HCN1: variants seen among roughly 807,000 people sequenced by gnomAD.
HCN1 encodes hyperpolarization activated cyclic nucleotide gated potassium channel 1, also known as potassium/sodium hyperpolarization-activated cyclic nucleotide-gated channel 1.
HCN1 carries 13 observed loss-of-function variants against 78.9 expected under a neutral mutation model. That is an observed-to-expected ratio of 0.16 (90% CI 0.11 to 0.26). The LOEUF (loss-of-function observed/expected upper bound fraction) is 0.26. Among genes scored for constraint, HCN1 ranks in the 10% least tolerant of loss-of-function variants. The pLI is 1.00. For synonymous variants in HCN1, 552 were observed against 455.5 expected (o/e 1.21, Z -2.70); for missense variants, 810 against 1,154.3 (o/e 0.70, Z 4.32).
intron 3 of HCN1, among the ~76,000 whole-genome samples, chr5:45,424,137 A>AG (rs1329169739): frequency 3.3e-5 from 5 of 149,708 alleles, no homozygotes. Flanking sequence ...AAAAAAAAAA[A>AG]AAAAAATTAG....
intron 1 of HCN1, among the ~76,000 whole-genome samples, chr5:45,650,812 T>C (rs1490189340): frequency 6.6e-6 from 1 of 151,920 alleles, no homozygotes; most frequent in Non-Finnish European, 1.5e-5. Context: ...TGCAACCCTT[T>C]AAGGCTTGTG....
intron 2 of HCN1, among the ~76,000 whole-genome samples, chr5:45,555,430 G>T (rs1377505533): frequency 6.6e-6 from 1 of 151,722 alleles, no homozygotes; most frequent in Non-Finnish European, 1.5e-5. Context: ...TATGGTCATG[G>T]ATTGAAAGCA....
At chr5:45,287,099 CTGTG>C (rs968145857) in intron 6 of HCN1, among the ~76,000 whole-genome samples, 1 of 147,764 alleles carries the variant, frequency 6.8e-6, no homozygotes, top group African/African-American at 2.5e-5. Flanking sequence ...GTGTGTGTGT[CTGTG>C]TGTGTGTGTG....
At chr5:45,472,972 T>C (rs1321540254) in intron 2 of HCN1, among the ~76,000 whole-genome samples, 2 of 151,938 alleles carry the variant, frequency 1.3e-5, no homozygotes, top group Non-Finnish European at 2.9e-5. Flanking sequence ...TAGCTTTTAG[T>C]TGTCATTGTC....
At chr5:45,298,643 T>C (rs1165656195) in intron 6 of HCN1, among the ~76,000 whole-genome samples, 1 of 151,986 alleles carries the variant, frequency 6.6e-6, no homozygotes, top group African/African-American at 2.4e-5. Context: ...ACAAAAAGGA[T>C]TGTATAAATC....
At chr5:45,288,215 T>C (rs1745305747) in intron 6 of HCN1, among the ~76,000 whole-genome samples, 1 of 152,078 alleles carries the variant, frequency 6.6e-6, no homozygotes, top group Non-Finnish European at 1.5e-5. Context: ...GTGGCAGTTA[T>C]TTTTTAACCA....
At chr5:45,358,199 T>C (rs1747041225) in intron 4 of HCN1, among the ~76,000 whole-genome samples, 1 of 152,010 alleles carries the variant, frequency 6.6e-6, no homozygotes, top group African/African-American at 2.4e-5. Flanking sequence ...GAAGTGGCAA[T>C]GGAAATCATA....
chr5:45,648,875 C>T (rs971856856), intron 1 of HCN1, among the ~76,000 whole-genome samples: 1 of 151,968 alleles, frequency 6.6e-6, no homozygotes, highest in Admixed American at 6.6e-5. Flanking sequence ...TCAAGTCCCA[C>T]CACTCCCAAA....
chr5:45,696,129 AG>A lies in HCN1; in HGVS notation c.-37del, dbSNP rs1218624867. On this transcript the variant is annotated 5_prime_UTR_variant, in exon 1 of 8. Coordinates refer to ENST00000303230, the MANE Select transcript of HCN1 (RefSeq NM_021072.4). ...CGCGGCCGGCGACGGCGCGGGCTCCAGACTCGCCGGCCGCCCGGCGCCGGAG... is the reference window on the plus strand; with the variant it reads ...CGCGGCCGGCGACGGCGCGGGCTCCAACTCGCCGGCCGCCCGGCGCCGGAG... 3.1e-6 allele frequency: 4 copies of A among 1,281,192 alleles called. No homozygotes were observed. The highest frequency in any genetic ancestry group is 3.0e-6 in the Non-Finnish European group (3 of 1,001,092). The allele number at this position is 1,281,192 out of a possible 1,614,324, so 79.4% of individuals were successfully genotyped here. A position where few individuals can be genotyped will look rare whatever the true frequency, so the allele number is the denominator to read the frequency against.
intron 5 of HCN1, among the ~76,000 whole-genome samples, chr5:45,324,550 G>T (rs796538896): frequency 6.6e-6 from 1 of 151,844 alleles, no homozygotes; most frequent in Non-Finnish European, 1.5e-5. Context: ...TACACTGTTG[G>T]TGGGACTGTA....
At chr5:45,264,657 A>T (rs1744817672) in intron 7 of HCN1, among the ~76,000 whole-genome samples, 1 of 152,204 alleles carries the variant, frequency 6.6e-6, no homozygotes, top group African/African-American at 2.4e-5. Flanking sequence ...TATTTGCTTA[A>T]CTAACTGCAG....
At chr5:45,366,237 ATTC>A (rs976400170) in intron 4 of HCN1, among the ~76,000 whole-genome samples, 2 of 150,570 alleles carry the variant, frequency 1.3e-5, no homozygotes, top group African/African-American at 4.9e-5. Flanking sequence ...GTGTGTGGTA[ATTC>A]TTCAATAAAA....
At chr5:45,293,788 C>T (rs1455392811) in intron 6 of HCN1, among the ~76,000 whole-genome samples, 2 of 151,928 alleles carry the variant, frequency 1.3e-5, no homozygotes, top group African/African-American at 4.8e-5. Flanking sequence ...ACTAGCATCT[C>T]TCTCACACAA....
At chr5:45,690,302 A>T (rs1739885331) in intron 1 of HCN1, among the ~76,000 whole-genome samples, 1 of 152,106 alleles carries the variant, frequency 6.6e-6, no homozygotes, top group Non-Finnish European at 1.5e-5. Context: ...TGCGTGGTCA[A>T]CTATTAGACA....
chr5:45,688,388 T>G (rs955857703), intron 1 of HCN1, among the ~76,000 whole-genome samples: 2 of 152,142 alleles, frequency 1.3e-5, no homozygotes, highest in African/African-American at 2.4e-5. Flanking sequence ...ACATAACTTC[T>G]CTGCAGTTTC....
intron 2 of HCN1, among the ~76,000 whole-genome samples, chr5:45,631,330 A>C (rs1040081979): frequency 1.3e-5 from 2 of 152,098 alleles, no homozygotes; most frequent in Non-Finnish European, 2.9e-5. Context: ...AAGAAGTGAA[A>C]TATATCACTT....
At chr5:45,577,475 T>C (rs1199038898) in intron 2 of HCN1, among the ~76,000 whole-genome samples, 1 of 152,080 alleles carries the variant, frequency 6.6e-6, no homozygotes. Context: ...TTGAAAAGCA[T>C]CTTGTAACTT....
At chr5:45,618,282 A>C (rs1744994263) in intron 2 of HCN1, among the ~76,000 whole-genome samples, 1 of 151,996 alleles carries the variant, frequency 6.6e-6, no homozygotes, top group Non-Finnish European at 1.5e-5. Flanking sequence ...TGAATACTAA[A>C]GAAAGGGACA....
chr5:45,395,614 G>A (rs1425075151), intron 4 of HCN1, among the ~76,000 whole-genome samples: 1 of 152,046 alleles, frequency 6.6e-6, no homozygotes, highest in African/African-American at 2.4e-5. Context: ...AGACTAAGCT[G>A]TTATCACTCA....
Sources: gnomAD v4.1 joint callset for allele counts (sites outside exome capture counted in the v4.1 genomes callset) on GRCh38, gnomAD v4.1.1 for gene constraint, MANE v1.5 for transcripts, NCBI Gene and HGNC (gene_info 2026-07-23, HGNC 2026-07-21) for gene names.